Variants in BLK observed in about 807,000 individuals in gnomAD.
BLK encodes tyrosine-protein kinase Blk.
BLK carries 64 observed loss-of-function variants against 61.8 expected under a neutral mutation model. That is an observed-to-expected ratio of 1.03 (90% CI 0.85 to 1.27). The LOEUF (loss-of-function observed/expected upper bound fraction) is 1.27. Ranked by LOEUF, BLK falls within the 50% of genes most tolerant of loss-of-function variation. The probability of loss-of-function intolerance (pLI) is 0.00; values close to 1 mark genes in which losing one functional copy is unlikely to be tolerated. For synonymous variants in BLK, 351 were observed against 272.0 expected (o/e 1.29, Z -2.86); for missense variants, 853 against 660.5 (o/e 1.29, Z -3.19).
chr8:11,556,006 T>C, intron 8 of BLK: 2 of 284,810 alleles, frequency 7.0e-6, no homozygotes, highest in Non-Finnish European at 1.4e-5. Flanking sequence ...TTCCGTTTTA[T>C]CCCTGGATTG....
intron 4 of BLK, 75 bp downstream of exon 4, chr8:11,548,200 C>G: frequency 7.8e-7 from 1 of 1,280,766 alleles, no homozygotes; most frequent in Non-Finnish European, 1.1e-6. Context: ...CCACCCACCA[C>G]ATCCTCCATG....
At chr8:11,513,276 A>G (rs1023505390) in intron 1 of BLK, among the ~76,000 whole-genome samples, 3 of 151,886 alleles carry the variant, frequency 2.0e-5, no homozygotes, top group African/African-American at 7.3e-5. Flanking sequence ...AGGAAGGGGG[A>G]GATGGAAAAG....
intron 1 of BLK, among the ~76,000 whole-genome samples, chr8:11,515,709 T>G (rs926193575): frequency 6.6e-6 from 1 of 152,212 alleles, no homozygotes; most frequent in African/African-American, 2.4e-5. Flanking sequence ...AAATGCAATT[T>G]TCCCCGCCAC....
chr8:11,512,800 A>T (rs1799069322), intron 1 of BLK, among the ~76,000 whole-genome samples: 1 of 152,086 alleles, frequency 6.6e-6, no homozygotes, highest in Non-Finnish European at 1.5e-5. Context: ...AGTAGCTGGG[A>T]CTACAGGCGC....
Position 11,564,017 on chromosome 8 carries a change from G to A in BLK, c.1427G>A (p.Arg476Gln), listed in dbSNP as rs1215314462. 2 of 1,604,958 alleles carry A rather than the reference G, an allele frequency of 1.2e-6. No individual in the cohort carries two copies. The highest frequency in any genetic ancestry group is 1.7e-6 in the Non-Finnish European group (2 of 1,179,000). The part of the protein sequence containing the change: ...RGVIAECWRS[R>Q]PEERPTFEFL... ...GTCATCGCCGAGTGCTGGCGCAGCCGGCCCGAGGAGCGGCCCACCTTCGAG... is the reference window on the plus strand; with the variant it reads ...GTCATCGCCGAGTGCTGGCGCAGCCAGCCCGAGGAGCGGCCCACCTTCGAG... The change falls in exon 13 of 13, where the codon CGG becomes CAG. Residue 476 changes from arginine (R) to glutamine (Q), a missense_variant. Physicochemically the swap from Arg to Gln is conservative, Grantham distance 43 (BLOSUM62 1). Coordinates refer to ENST00000259089, the MANE Select transcript of BLK (RefSeq NM_001715.3).
At chr8:11,551,017 C>A (rs377715631) in intron 6 of BLK, among the ~76,000 whole-genome samples, 2 of 152,274 alleles carry the variant, frequency 1.3e-5, no homozygotes, top group Middle Eastern at 3.4e-3. Flanking sequence ...CCTGATTCAA[C>A]CCCCACCCTC....
intron 1 of BLK, among the ~76,000 whole-genome samples, chr8:11,508,262 A>G (rs1021971108): frequency 6.6e-6 from 1 of 152,230 alleles, no homozygotes; most frequent in African/African-American, 2.4e-5. Context: ...ATGCTGGGAA[A>G]TCACCCGTGG....
intron 8 of BLK, 38 bp from the exon 9 acceptor site, chr8:11,556,620 C>A: frequency 6.2e-7 from 1 of 1,613,818 alleles, no homozygotes; most frequent in Non-Finnish European, 8.5e-7. Context: ...AGCAAGCTCT[C>A]TGTCTTCTGA....
rs191008605 is a variant in BLK at position 11,537,321 on chromosome 8, G to A, written c.-1-5903G>A. 3.3e-5 allele frequency among the ~76,000 whole-genome samples: 5 copies of A among 152,216 alleles called. No homozygotes were observed. In the East Asian group the frequency reaches 7.7e-4, roughly 23 times the overall value. ...GATGCTCCATATGGGATCTCATGCCGGCAGCTAGCATGGCATTGTGATCGC... is the reference window on the plus strand; with the variant it reads ...GATGCTCCATATGGGATCTCATGCCAGCAGCTAGCATGGCATTGTGATCGC... On this transcript the variant is annotated intron_variant, in intron 1 of 12. Coordinates refer to ENST00000259089, the MANE Select transcript of BLK (RefSeq NM_001715.3).
chr8:11,551,636 G>A (rs891428299), intron 6 of BLK, among the ~76,000 whole-genome samples: 1 of 152,182 alleles, frequency 6.6e-6, no homozygotes, highest in African/African-American at 2.4e-5. Flanking sequence ...AATCCCGGGT[G>A]TGACCATTCC....
At chr8:11,501,084 C>T (rs1363897193) in intron 1 of BLK, among the ~76,000 whole-genome samples, 6 of 151,990 alleles carry the variant, frequency 3.9e-5, no homozygotes, top group African/African-American at 1.4e-4. Flanking sequence ...TGGCAGGCAC[C>T]TGTAATCCCA....
chr8:11,497,562 G>A (rs141033221), intron 1 of BLK, among the ~76,000 whole-genome samples: 38 of 152,296 alleles, frequency 2.5e-4, no homozygotes, highest in African/African-American at 7.5e-4. Context: ...CCCTACATGT[G>A]CCTCCAGGTC....
chr8:11,536,075 T>G (rs1044242387), intron 1 of BLK, among the ~76,000 whole-genome samples: 2 of 152,258 alleles, frequency 1.3e-5, no homozygotes, highest in African/African-American at 4.8e-5. Flanking sequence ...AGTCAATTGT[T>G]AAAATGTGAT....
At chr8:11,546,831 C>T (rs1424276602) in intron 3 of BLK, among the ~76,000 whole-genome samples, 3 of 152,218 alleles carry the variant, frequency 2.0e-5, no homozygotes. Context: ...CCGCCTCAGC[C>T]TCTCAAAGTG....
intron 1 of BLK, among the ~76,000 whole-genome samples, chr8:11,521,242 A>T (rs769158187): frequency 6.6e-6 from 1 of 152,150 alleles, no homozygotes; most frequent in African/African-American, 2.4e-5. Flanking sequence ...TACCCTAAAG[A>T]TATCCTGTAT....
At chr8:11,497,341 G>C (rs1409249868) in intron 1 of BLK, among the ~76,000 whole-genome samples, 1 of 152,114 alleles carries the variant, frequency 6.6e-6, no homozygotes, top group African/African-American at 2.4e-5. Flanking sequence ...ATGTTCCCTG[G>C]CGTGCTCCTG....
chr8:11,550,058 T>C (rs1373218812), intron 5 of BLK, 101 bp from the exon 6 acceptor site: 3 of 1,098,914 alleles, frequency 2.7e-6, no homozygotes, highest in Non-Finnish European at 4.1e-6. Context: ...AAATGCTAGA[T>C]TTTTATTTCT....
At chr8:11,507,455 C>A (rs1050022994) in intron 1 of BLK, among the ~76,000 whole-genome samples, 1 of 152,192 alleles carries the variant, frequency 6.6e-6, no homozygotes, top group Non-Finnish European at 1.5e-5. Flanking sequence ...GGGATGACCA[C>A]CCCAACTGCA....
chr8:11,547,397 G>A (rs1800693622), intron 3 of BLK, among the ~76,000 whole-genome samples: 1 of 152,238 alleles, frequency 6.6e-6, no homozygotes, highest in Non-Finnish European at 1.5e-5. Context: ...TCCCAGAGCT[G>A]TGCAGAGAGC....
Sources: allele counts gnomAD v4.1 joint callset (sites outside exome capture counted in the v4.1 genomes callset), GRCh38; gene constraint gnomAD v4.1.1; transcripts MANE v1.5; gene names NCBI Gene and HGNC (gene_info 2026-07-23, HGNC 2026-07-21).